The following PUDP variants were observed in gnomAD, a reference collection of about 807,000 sequenced individuals.
The protein encoded by PUDP is pseudouridine 5'-phosphatase.
Under a neutral mutation model 9.4 loss-of-function variants are expected in PUDP, and 8 were observed. The ratio of observed to expected loss-of-function variants is 0.85; its 90% CI spans 0.50 to 1.53. The LOEUF is 1.53. Ranked by LOEUF, PUDP falls within the 40% of genes most tolerant of loss-of-function variation. PUDP has a pLI of 0.00. For synonymous variants in PUDP, 99 were observed against 80.7 expected (o/e 1.23, Z -1.22); for missense variants, 188 against 189.7 (o/e 0.99, Z 0.05).
intron 3 of PUDP, among the ~76,000 whole-genome samples, chrX:6,793,557 A>G (rs1367346646): frequency 3.6e-5 from 4 of 112,312 alleles, no homozygotes; most frequent in African/African-American, 6.5e-5. Context: ...AAGAGTCTCA[A>G]TGACATGATG....
intron 1 of PUDP, among the ~76,000 whole-genome samples, chrX:7,135,349 T>C (rs1304420687): frequency 8.9e-6 from 1 of 112,204 alleles, no homozygotes; most frequent in Non-Finnish European, 1.9e-5. Flanking sequence ...TTATTCCTTT[T>C]ATAAGCATCA....
intron 3 of PUDP, among the ~76,000 whole-genome samples, chrX:6,896,870 T>G (rs372660453): frequency 9.0e-6 from 1 of 111,368 alleles, no homozygotes; most frequent in Admixed American, 9.6e-5. Context: ...TTCTGGGGTT[T>G]GTTTGTTTGT....
At chrX:6,957,212 G>A (rs979739965) in intron 3 of PUDP, among the ~76,000 whole-genome samples, 5 of 110,652 alleles carry the variant, frequency 4.5e-5, no homozygotes, top group Admixed American at 1.9e-4. Context: ...AGTCAAGGTC[G>A]GCTATGGTTT....
intron 3 of PUDP, among the ~76,000 whole-genome samples, chrX:6,933,866 G>A (rs1317578685): frequency 9.0e-6 from 1 of 111,394 alleles, no homozygotes; most frequent in East Asian, 2.8e-4. Context: ...GCGATCAACT[G>A]CAAGAAAGGG....
rs367875740 is a variant in PUDP at position 6,715,934 on chromosome X, C to T, written n.128+5483G>A. On this transcript the variant is annotated intron_variant and non_coding_transcript_variant, in intron 1 of 2. Transcript: ENST00000438499. ...AAAGGCAGGGAACCCAGGTGAGAGG[C>T]CAGGGGTAGGGACCAGGGAAATATC... 1.4e-4 allele frequency among the ~76,000 whole-genome samples: 16 copies of T among 111,136 alleles called. No homozygotes were observed. The South Asian group carries it at 5.4e-3, about 37-fold the overall frequency.
At chrX:6,749,839 G>GC (rs758936492) in intron 3 of PUDP, among the ~76,000 whole-genome samples, 71 of 111,557 alleles carry the variant, frequency 6.4e-4, no homozygotes, top group Non-Finnish European at 3.4e-4. Flanking sequence ...CGTGAAAATG[G>GC]CCCTTAAAAT....
upstream of PUDP, among the ~76,000 whole-genome samples, chrX:6,725,164 A>C (rs982564647): frequency 1.8e-5 from 2 of 111,462 alleles, no homozygotes; most frequent in African/African-American, 6.5e-5. Context: ...AGAGAATGGA[A>C]CTGATTCTCA....
intron 3 of PUDP, among the ~76,000 whole-genome samples, chrX:6,743,128 G>A (rs1924959299): frequency 9.0e-6 from 1 of 111,467 alleles, no homozygotes; most frequent in Admixed American, 9.5e-5. Context: ...TTGTAAATCT[G>A]TATTTGTTTT....
chrX:6,735,946 G>T (rs896311168), intron 3 of PUDP, among the ~76,000 whole-genome samples: 1 of 109,091 alleles, frequency 9.2e-6, no homozygotes, highest in Admixed American at 9.9e-5. Context: ...TGTTGAGGTG[G>T]GAGAATGACT....
intron 1 of PUDP, among the ~76,000 whole-genome samples, chrX:7,025,609 T>C (rs1425545299): frequency 8.9e-6 from 1 of 111,778 alleles, no homozygotes; most frequent in Non-Finnish European, 1.9e-5. Flanking sequence ...ACCTTGCAGT[T>C]TGAATGACCC....
intron 1 of PUDP, among the ~76,000 whole-genome samples, chrX:7,030,450 C>A (rs1415121329): frequency 8.9e-6 from 1 of 112,021 alleles, no homozygotes; most frequent in South Asian, 3.8e-4. Flanking sequence ...CTTCTCAAAT[C>A]CTTAACCATG....
downstream of PUDP, among the ~76,000 whole-genome samples, chrX:7,044,388 G>A (rs1191173687): frequency 2.7e-5 from 3 of 112,445 alleles, no homozygotes; most frequent in African/African-American, 3.2e-5. Context: ...GGAAAGACCC[G>A]CAAGTATCTG....
At chrX:7,041,193 C>T (rs1214931040) in intron 1 of PUDP, among the ~76,000 whole-genome samples, 1 of 111,681 alleles carries the variant, frequency 9.0e-6, no homozygotes, top group African/African-American at 3.3e-5. Flanking sequence ...TGGGGATGAG[C>T]TCCGTTCAGG....
chrX:6,841,671 C>T (rs1304813964), intron 3 of PUDP, among the ~76,000 whole-genome samples: 8 of 111,862 alleles, frequency 7.2e-5, no homozygotes. Context: ...GTTCAATGAA[C>T]CAGATCAATA....
At chrX:7,003,330 T>C (rs7471697) in intron 1 of PUDP, among the ~76,000 whole-genome samples, 2,152 of 111,302 alleles carry the variant, frequency 0.019, 33 homozygotes, top group African/African-American at 0.037. Flanking sequence ...GTGAGTAGGA[T>C]GGAATTCAGG....
chrX:6,785,196 C>T (rs1362753334), intron 3 of PUDP, among the ~76,000 whole-genome samples: 1 of 112,536 alleles, frequency 8.9e-6, no homozygotes, highest in Non-Finnish European at 1.9e-5. Context: ...TCTGGTAATT[C>T]CCTAAAATGT....
At chrX:6,968,281 G>A (rs1187589371) in intron 3 of PUDP, among the ~76,000 whole-genome samples, 1 of 112,347 alleles carries the variant, frequency 8.9e-6, no homozygotes, top group East Asian at 2.8e-4. Context: ...TAGAAATAAG[G>A]TGGGATGCAG....
intron 3 of PUDP, among the ~76,000 whole-genome samples, chrX:6,745,884 T>C (rs1372734127): frequency 9.0e-6 from 1 of 111,418 alleles, no homozygotes; most frequent in Non-Finnish European, 1.9e-5. Flanking sequence ...GCTCAAGCAA[T>C]CCTCCTGCTC....
chrX:6,928,356 A>T (rs980138680), intron 3 of PUDP, among the ~76,000 whole-genome samples: 4 of 111,380 alleles, frequency 3.6e-5, no homozygotes, highest in African/African-American at 1.3e-4. Context: ...AATGGGAGAG[A>T]CAGGGGTTTG....
Sources: gnomAD v4.1 joint callset for allele counts (sites outside exome capture counted in the v4.1 genomes callset) on GRCh38, gnomAD v4.1.1 for gene constraint, MANE v1.5 for transcripts, NCBI Gene and HGNC (gene_info 2026-07-23, HGNC 2026-07-21) for gene names.